Variants in ANKRD44 observed in about 807,000 individuals in gnomAD.
ANKRD44 encodes ankyrin repeat domain 44.
ANKRD44 carries 35 observed loss-of-function variants against 116.0 expected under a neutral mutation model. The ratio of observed to expected loss-of-function variants is 0.30; its 90% CI spans 0.23 to 0.40. The LOEUF (loss-of-function observed/expected upper bound fraction) is 0.40. ANKRD44 is among the 10% of genes least tolerant of loss of function. The probability of loss-of-function intolerance (pLI) is 1.00; values close to 1 mark genes in which losing one functional copy is unlikely to be tolerated. For missense variants in ANKRD44, 1,014 were observed against 1,242.6 expected, an observed-to-expected ratio of 0.82 and a Z score of 2.77; for synonymous variants, 435 against 461.8, an observed-to-expected ratio of 0.94 and a Z score of 0.74.
At chr2:197,059,063 T>C (rs565322885) in intron 16 of ANKRD44, among the ~76,000 whole-genome samples, 1 of 152,330 alleles carries the variant, frequency 6.6e-6, no homozygotes, top group South Asian at 2.1e-4. Flanking sequence ...CTACCCTGAA[T>C]TATATTATCA....
At chr2:197,236,023 A>G (rs1234187958) in intron 1 of ANKRD44, among the ~76,000 whole-genome samples, 3 of 152,206 alleles carry the variant, frequency 2.0e-5, no homozygotes, top group African/African-American at 7.2e-5. Context: ...TCTAAGCATA[A>G]CTGCACACTT....
intron 1 of ANKRD44, among the ~76,000 whole-genome samples, chr2:197,198,661 C>T (rs539541858): frequency 2.0e-5 from 3 of 151,984 alleles, no homozygotes; most frequent in Non-Finnish European, 2.9e-5. Context: ...GGCATGGTGG[C>T]GTGCCCCTGT....
intron 17 of ANKRD44, among the ~76,000 whole-genome samples, chr2:197,020,815 A>T (rs1388591513): frequency 7.1e-6 from 1 of 140,524 alleles, no homozygotes; most frequent in Non-Finnish European, 1.5e-5. Flanking sequence ...TATTATTATT[A>T]TACTTTAAGT....
At position 197,083,411 on chromosome 2, in the gene ANKRD44, C is replaced by T. The variant is rs533694270; in HGVS notation, c.1415G>A (p.Arg472His). The change falls in exon 14 of 28, where the codon CGC becomes CAC. Residue 472 changes from arginine to histidine, a missense_variant. By Grantham distance (29) the Arg-to-His change is conservative. Coordinates refer to ENST00000282272, the MANE Select transcript of ANKRD44 (RefSeq NM_001195144.2). ...ANVNETDDWG[R>H]TALHYAAASD... ...TGCAGCGGCGTAATGCAAAGCTGTG[C>T]GTCCCCAGTCATCTGTTTCATTAAC... 3.1e-6 allele frequency: 5 copies of T among 1,613,752 alleles called. No individual in the cohort carries two copies. Among genetic ancestry groups the T allele is most frequent in the East Asian group, 4.5e-5 (2 of 44,864 alleles).
chr2:197,127,962 T>G (rs573510268), intron 4 of ANKRD44, among the ~76,000 whole-genome samples: 112 of 152,354 alleles, frequency 7.4e-4, no homozygotes, highest in Non-Finnish European at 1.4e-3. Flanking sequence ...GACAACAGCT[T>G]CCAGCTCCAT....
intron 1 of ANKRD44, among the ~76,000 whole-genome samples, chr2:197,293,854 C>G (rs1415773584): frequency 2.0e-5 from 3 of 152,338 alleles, no homozygotes; most frequent in Non-Finnish European, 4.4e-5. Flanking sequence ...ACTAGAACCA[C>G]ATGATAATTA....
At chr2:197,018,088 C>T (rs188901893) in intron 17 of ANKRD44, among the ~76,000 whole-genome samples, 1 of 152,224 alleles carries the variant, frequency 6.6e-6, no homozygotes, top group African/African-American at 2.4e-5. Flanking sequence ...AATCTGTCTT[C>T]TTCTCACCGC....
At chr2:197,232,950 T>C (rs545099372) in intron 1 of ANKRD44, among the ~76,000 whole-genome samples, 1 of 152,388 alleles carries the variant, frequency 6.6e-6, no homozygotes, top group South Asian at 2.1e-4. Flanking sequence ...TGTTATTTTA[T>C]TTGATCCTCA....
At chr2:197,140,977 G>C (rs1213693511) in intron 3 of ANKRD44, among the ~76,000 whole-genome samples, 1 of 152,152 alleles carries the variant, frequency 6.6e-6, no homozygotes, top group Non-Finnish European at 1.5e-5. Flanking sequence ...GCACTTTTGG[G>C]AGGTCGAGGT....
chr2:197,189,831 T>A (rs1477716618), intron 1 of ANKRD44, among the ~76,000 whole-genome samples: 3 of 152,170 alleles, frequency 2.0e-5, no homozygotes, highest in Non-Finnish European at 4.4e-5. Context: ...CACTACTTAG[T>A]CACTTTAAGG....
chr2:197,031,186 A>T, intron 16 of ANKRD44, among the ~76,000 whole-genome samples: 1 of 151,810 alleles, frequency 6.6e-6, no homozygotes, highest in East Asian at 1.9e-4. Flanking sequence ...TTTATAAAGC[A>T]GTATTGACAT....
intron 1 of ANKRD44, among the ~76,000 whole-genome samples, chr2:197,285,125 C>T (rs2083374231): frequency 6.6e-6 from 1 of 150,958 alleles, no homozygotes; most frequent in African/African-American, 2.4e-5. Flanking sequence ...ATCCCTCAGC[C>T]CACCCACATC....
Position 197,005,823 on chromosome 2 carries a change from A to G in ANKRD44, c.2218T>C (p.Leu740=), listed in dbSNP as rs1039370822. 3.7e-6 allele frequency: 6 copies of G among 1,614,296 alleles called. No individual in the cohort carries two copies. In the Admixed American group the frequency reaches 1.0e-4, roughly 27 times the overall value. The change falls in exon 21 of 28, where the codon TTG becomes CTG. Residue 740 remains leucine (L), a synonymous_variant. Transcript: ENST00000282272. The stretch of plus-strand genomic sequence containing the variant: ...TGGCCACGAGCAGCTGCATAGTGCA[A>G]GGGCGTCCTCCCTCTGGAATCTTTA... ...LCKDSRGRTP[L]HYAAARGHAT... is the part of the protein sequence containing the mutation.
chr2:197,051,914 T>C (rs1234975308), intron 16 of ANKRD44, among the ~76,000 whole-genome samples: 2 of 152,168 alleles, frequency 1.3e-5, no homozygotes, highest in Non-Finnish European at 2.9e-5. Context: ...AATTATCCTG[T>C]TCAAGATGTT....
intron 2 of ANKRD44, among the ~76,000 whole-genome samples, chr2:197,148,790 T>A (rs959965360): frequency 1.3e-5 from 2 of 152,220 alleles, no homozygotes; most frequent in Non-Finnish European, 2.9e-5. Context: ...ATGTTGTCTA[T>A]GTATGGCTGC....
intron 1 of ANKRD44, among the ~76,000 whole-genome samples, chr2:197,309,032 T>C (rs1047562403): frequency 2.6e-5 from 4 of 152,236 alleles, no homozygotes; most frequent in Admixed American, 1.3e-4. Context: ...CTTAGAGTCC[T>C]TACAACTCTA....
chr2:197,164,747 T>A (rs1317381648), intron 2 of ANKRD44, among the ~76,000 whole-genome samples: 2 of 151,938 alleles, frequency 1.3e-5, no homozygotes, highest in Admixed American at 6.6e-5. Context: ...ACCCTCAGCC[T>A]CCTCCATGCA....
At chr2:197,102,887 T>C (rs1316576119) in intron 9 of ANKRD44, among the ~76,000 whole-genome samples, 2 of 152,180 alleles carry the variant, frequency 1.3e-5, no homozygotes, top group Non-Finnish European at 2.9e-5. Context: ...CAATTATTTT[T>C]CTCCCAGGTT....
intron 17 of ANKRD44, among the ~76,000 whole-genome samples, chr2:197,020,255 T>A (rs1378795374): frequency 6.6e-6 from 1 of 152,182 alleles, no homozygotes; most frequent in Non-Finnish European, 1.5e-5. Flanking sequence ...TTAACTTGCT[T>A]AAGTTAAAGA....
Sources: gnomAD v4.1 joint callset for allele counts (sites outside exome capture counted in the v4.1 genomes callset) on GRCh38, gnomAD v4.1.1 for gene constraint, MANE v1.5 for transcripts, NCBI Gene and HGNC (gene_info 2026-07-23, HGNC 2026-07-21) for gene names.